The following ADCYAP1R1 variants were observed in gnomAD, a reference collection of about 807,000 sequenced individuals.
The protein encoded by ADCYAP1R1 is ADCYAP receptor type I, also known as pituitary adenylate cyclase-activating polypeptide type I receptor.
In ADCYAP1R1, 44 loss-of-function variants were observed where a neutral mutation model predicts 67.6. The observed-to-expected ratio is 0.65, with a 90% confidence interval of 0.51 to 0.84. The LOEUF is 0.84. Among genes scored for constraint, ADCYAP1R1 ranks in the 40% least tolerant of loss-of-function variants. The pLI is 0.00. For synonymous variants in ADCYAP1R1, 222 were observed against 219.6 expected (o/e 1.01, Z -0.10); for missense variants, 477 against 587.9 (o/e 0.81, Z 1.95).
At chr7:31,066,742 T>C (rs1794754623) in intron 3 of ADCYAP1R1, among the ~76,000 whole-genome samples, 1 of 152,312 alleles carries the variant, frequency 6.6e-6, no homozygotes, top group East Asian at 1.9e-4. Context: ...GCGATTCTAA[T>C]GAGAAGCTGG....
chr7:31,099,418 G>A (rs1796342341), intron 13 of ADCYAP1R1, among the ~76,000 whole-genome samples: 2 of 152,186 alleles, frequency 1.3e-5, no homozygotes, highest in Admixed American at 6.5e-5. Flanking sequence ...TGAGGATGTG[G>A]GTTTTTAATT....
At chr7:31,087,571 G>A (rs1361663011) in intron 11 of ADCYAP1R1, 56 bp from the exon 12 acceptor site, 58 of 1,532,634 alleles carry the variant, frequency 3.8e-5, no homozygotes, top group Non-Finnish European at 5.2e-5. Flanking sequence ...TGTCCCGCAG[G>A]CTTCTATGCT....
At chr7:31,081,834 C>A in intron 6 of ADCYAP1R1, 80 bp downstream of exon 6, 1 of 1,234,948 alleles carries the variant, frequency 8.1e-7, no homozygotes, top group African/African-American at 1.5e-5. Context: ...AGAACCCCAT[C>A]CCAGGCTGGG....
At chr7:31,077,465 G>A (rs1467544213) in intron 3 of ADCYAP1R1, among the ~76,000 whole-genome samples, 4 of 113,012 alleles carry the variant, frequency 3.5e-5, no homozygotes, top group Non-Finnish European at 6.8e-5. Flanking sequence ...TGTGGTGCAT[G>A]TGTGTGGTGT....
Position 31,087,670 on chromosome 7 carries a change from A to C in ADCYAP1R1, c.928A>C (p.Lys310Gln). The change falls in exon 12 of 16, where the codon AAA (lysine) becomes CAA (glutamine). Residue 310 changes from lysine to glutamine, a missense_variant. Physicochemically the swap from Lys to Gln is moderately conservative, Grantham distance 53. Transcript: ENST00000304166. ...CAGCACAGCTCTGTGGTGGGTGATCAAAGGCCCTGTGGTTGGCTCTATCAT... is the reference window on the plus strand; with the variant it reads ...CAGCACAGCTCTGTGGTGGGTGATCCAAGGCCCTGTGGTTGGCTCTATCAT... ...NDSTALWWVI[K>Q]GPVVGSIMVN... 6.2e-7 allele frequency: 1 copy of C among 1,613,936 alleles called. No individual in the cohort carries two copies. The highest frequency in any genetic ancestry group is 8.5e-7 in the Non-Finnish European group (1 of 1,179,914).
Position 31,094,543 on chromosome 7 carries a change from T to A in ADCYAP1R1, c.1046+1808T>A, listed in dbSNP as rs1448472502. ...ATTTCCTCCCCTTCCTGGTAGGATT[T>A]GTTCTTCTACTGAGGGCCCCCCAAC... is the stretch of plus-strand genomic sequence containing the variant. On this transcript the variant is annotated intron_variant, in intron 13 of 15. Transcript: ENST00000304166. Among the ~76,000 whole-genome samples the A allele has an allele frequency of 3.9e-5, 6 of 152,216 alleles. No homozygotes were observed. In the East Asian group the frequency reaches 1.2e-3, roughly 29 times the overall value.
rs1042509478 is a variant in ADCYAP1R1 at position 31,090,480 on chromosome 7, A to T, written c.955-2164A>T. Among the ~76,000 whole-genome samples the T allele has an allele frequency of 2.0e-5, 3 of 152,300 alleles. No individual in the cohort carries two copies. The South Asian group carries it at 6.2e-4, about 32-fold the overall frequency. On this transcript the variant is annotated intron_variant, in intron 12 of 15. Transcript: ENST00000304166. The stretch of plus-strand genomic sequence containing the variant: ...CAGGTTTGTTACATAGGTATATCAC[A>T]TGATGCTGAAGTTATGGGTACAATT...
At chr7:31,103,581 G>GCC (rs1290521063) in intron 14 of ADCYAP1R1, among the ~76,000 whole-genome samples, 1 of 152,194 alleles carries the variant, frequency 6.6e-6, no homozygotes, top group Non-Finnish European at 1.5e-5. Context: ...TGAGCCAGCT[G>GCC]CCCCCACTCC....
intron 13 of ADCYAP1R1, among the ~76,000 whole-genome samples, chr7:31,099,035 A>C (rs1796328237): frequency 2.0e-5 from 3 of 152,044 alleles, no homozygotes; most frequent in Non-Finnish European, 4.4e-5. Flanking sequence ...TCTGTCAGAG[A>C]AGGGGAAAGT....
chr7:31,058,311 T>C (rs1320358494), intron 1 of ADCYAP1R1, among the ~76,000 whole-genome samples: 5 of 152,182 alleles, frequency 3.3e-5, no homozygotes, highest in Non-Finnish European at 7.3e-5. Context: ...CTCGCTCCCA[T>C]GTGCTGCCTG....
intron 1 of ADCYAP1R1, among the ~76,000 whole-genome samples, chr7:31,056,502 T>A (rs1794250105): frequency 6.6e-6 from 1 of 152,026 alleles, no homozygotes; most frequent in Non-Finnish European, 1.5e-5. Context: ...CTCTACTGCC[T>A]CCTCCTGAAA....
At chr7:31,101,199 T>A (rs908771523) in intron 13 of ADCYAP1R1, among the ~76,000 whole-genome samples, 3 of 152,146 alleles carry the variant, frequency 2.0e-5, no homozygotes, top group Non-Finnish European at 4.4e-5. Flanking sequence ...AGGGAAGGTG[T>A]TGCCCTTGGA....
At chr7:31,099,802 GC>G (rs944980797) in intron 13 of ADCYAP1R1, among the ~76,000 whole-genome samples, 7 of 152,352 alleles carry the variant, frequency 4.6e-5, no homozygotes, top group African/African-American at 1.7e-4. Flanking sequence ...TCTGGAGGCA[GC>G]CTCTGGCTCC....
chr7:31,101,159 TG>T (rs2128639685), intron 13 of ADCYAP1R1, among the ~76,000 whole-genome samples: 1 of 152,288 alleles, frequency 6.6e-6, no homozygotes, highest in South Asian at 2.1e-4. Flanking sequence ...AGTCCCTGTC[TG>T]TTCTGGGGCT....
In ADCYAP1R1 at chr7:31,086,487, CCTT is replaced by C; in HGVS notation, c.778_780del (p.Phe260del). 1 of 1,614,220 alleles carries C rather than the reference CCTT, an allele frequency of 6.2e-7. No individual in the cohort carries two copies. The highest frequency in any genetic ancestry group is 8.5e-7 in the Non-Finnish European group (1 of 1,180,048). ...TACCTCTTCACTCTGCTGGTGGAGA[CCTT>C]CTTCCCTGAAAGGAGATACTTCTAC... On this transcript the variant is annotated inframe_deletion, in exon 10 of 16. Coordinates refer to ENST00000304166, the MANE Select transcript of ADCYAP1R1 (RefSeq NM_001118.5). This position sits in a 1 kb window ranked among gnomAD's most constrained non-coding sequence, Gnocchi z 5.0.
intron 13 of ADCYAP1R1, among the ~76,000 whole-genome samples, chr7:31,095,397 G>A (rs1289601649): frequency 6.6e-6 from 1 of 152,150 alleles, no homozygotes; most frequent in Non-Finnish European, 1.5e-5. Flanking sequence ...TAGGCTTCCT[G>A]GAAGAAGAGG....
chr7:31,059,437 CAG>C (rs1435071130), intron 1 of ADCYAP1R1, among the ~76,000 whole-genome samples: 1 of 152,222 alleles, frequency 6.6e-6, no homozygotes, highest in Non-Finnish European at 1.5e-5. Flanking sequence ...TCTGCCCCAA[CAG>C]AGTCTGGACC....
chr7:31,090,647 C>G (rs577224804), intron 12 of ADCYAP1R1, among the ~76,000 whole-genome samples: 1 of 152,212 alleles, frequency 6.6e-6, no homozygotes, highest in Non-Finnish European at 1.5e-5. Context: ...TTAGCTCCCA[C>G]GTCTAAGTGA....
intron 13 of ADCYAP1R1, among the ~76,000 whole-genome samples, chr7:31,099,403 A>G (rs781585562): frequency 3.3e-5 from 5 of 152,232 alleles, no homozygotes; most frequent in African/African-American, 4.8e-5. Flanking sequence ...TGTGGCCAGA[A>G]CAACTGAGGA....
Sources: gnomAD v4.1 joint callset for allele counts (sites outside exome capture counted in the v4.1 genomes callset) on GRCh38, gnomAD v4.1.1 for gene constraint, Gnocchi (gnomAD v3.1) non-coding constraint, MANE v1.5 for transcripts, NCBI Gene and HGNC (gene_info 2026-07-23, HGNC 2026-07-21) for gene names.